The following PCDHGA7 variants were observed in gnomAD, a reference collection of about 807,000 sequenced individuals.
PCDHGA7 encodes the protein protocadherin gamma subfamily A, 7.
PCDHGA7 carries 44 observed loss-of-function variants against 58.3 expected under a neutral mutation model. The observed-to-expected ratio is 0.75, with a 90% CI of 0.59 to 0.97. The LOEUF (loss-of-function observed/expected upper bound fraction) is 0.97. Among genes scored for constraint, PCDHGA7 ranks in the 50% least tolerant of loss-of-function variants. PCDHGA7 has a pLI of 0.00. For missense variants in PCDHGA7, 1,266 were observed against 1,188.7 expected, an observed-to-expected ratio of 1.06 and a Z score of -0.96; for synonymous variants, 516 against 504.2, an observed-to-expected ratio of 1.02 and a Z score of -0.31.
At chr5:141,390,163 C>T (rs376391116) in intron 1 of PCDHGA7, 27 of 1,613,874 alleles carry the variant, frequency 1.7e-5, no homozygotes, top group African/African-American at 2.7e-5. Flanking sequence ...ACAGGAAAGA[C>T]GGAGTTTAAT....
intron 1 of PCDHGA7, among the ~76,000 whole-genome samples, chr5:141,484,009 T>A (rs1157069536): frequency 7.1e-5 from 1 of 14,094 alleles, no homozygotes; most frequent in African/African-American, 2.8e-4. Flanking sequence ...TGGATGAGGG[T>A]GGGGGTGGGG....
At chr5:141,440,822 A>T (rs1561900737) in intron 1 of PCDHGA7, 2 of 152,058 alleles carry the variant, frequency 1.3e-5, no homozygotes, top group Non-Finnish European at 2.9e-5. Context: ...TCAACTCCTG[A>T]TCCTATTGGT....
rs755293492 is a variant in PCDHGA7 at position 141,394,003 on chromosome 5, C to A, written c.2424+8680C>A. On this transcript the variant is annotated intron_variant, in intron 1 of 3. Transcript: ENST00000518325. ...AATTTACCTTTTAAATTAGAAAAGT[C>A]AATAGGTAATTATTATAGATTAGTG... The A allele has an allele frequency of 1.9e-6, 3 of 1,613,310 alleles. No homozygotes were observed. The South Asian group carries it at 3.3e-5, about 18-fold the overall frequency.
Position 141,384,288 on chromosome 5 carries a change from G to T in PCDHGA7, c.1389G>T (p.Glu463Asp), listed in dbSNP as rs1367965791. Residue 463 changes from glutamate (E) to aspartate (D), a missense_variant, in exon 1 of 4, where the codon GAG (glutamate) becomes GAT (aspartate). By Grantham distance (45) the Glu-to-Asp change is conservative (BLOSUM62 2). Coordinates refer to ENST00000518325, the MANE Select transcript of PCDHGA7 (RefSeq NM_018920.4). ...PHSSYSVYIA[E>D]NNPRGASIFL... ...CATCCTACTCAGTCTACATCGCTGA[G>T]AACAACCCCAGAGGGGCCTCCATTT... is the stretch of plus-strand genomic sequence containing the variant. 1.9e-6 allele frequency: 3 copies of T among 1,613,666 alleles called. No homozygotes were observed. Among genetic ancestry groups the T allele is most frequent in the Non-Finnish European group, 2.5e-6 (3 of 1,179,884 alleles).
At chr5:141,443,853 A>G (rs929370798) in intron 1 of PCDHGA7, among the ~76,000 whole-genome samples, 3 of 152,230 alleles carry the variant, frequency 2.0e-5, no homozygotes, top group African/African-American at 7.2e-5. Flanking sequence ...GGAAAGTCTG[A>G]AAACTGAAAA....
rs779981011 is a variant in PCDHGA7 at position 141,395,287 on chromosome 5, G to T, written c.2424+9964G>T. 11 of 1,533,118 alleles carry T rather than the reference G, an allele frequency of 7.2e-6. No homozygotes were observed. The South Asian group carries it at 1.3e-4, about 18-fold the overall frequency. 95.0% of individuals were successfully genotyped at this position (1,533,118 alleles called of 1,614,324 possible). A position where few individuals can be genotyped will look rare whatever the true frequency, so the allele number is the denominator to read the frequency against. On this transcript the variant is annotated intron_variant, in intron 1 of 3. Transcript: ENST00000518325. ...TTAATTTCCAGATGAATTTTATTTG[G>T]CATAAATTATGTTTTGAAAAACATT...
intron 1 of PCDHGA7, chr5:141,441,104 T>C (rs1158565054): frequency 6.6e-6 from 1 of 152,204 alleles, no homozygotes; most frequent in Non-Finnish European, 1.5e-5. Flanking sequence ...GAGGGACTCA[T>C]TGTCCAGTGT....
chr5:141,399,012 A>G (rs767195686), intron 1 of PCDHGA7: 7 of 1,613,946 alleles, frequency 4.3e-6, no homozygotes, highest in Admixed American at 3.3e-5. Context: ...CAAAGAGCGG[A>G]GAAATTACCA....
Position 141,487,687 on chromosome 5 carries a change from A to G in PCDHGA7, c.2425-7120A>G, listed in dbSNP as rs750431854. ...CAGGCATATGGCTAGGCCATGTCCTAGAGAGTACTGGCCTCTCAGTAAGTG... is the reference window on the plus strand; with the variant it reads ...CAGGCATATGGCTAGGCCATGTCCTGGAGAGTACTGGCCTCTCAGTAAGTG... On this transcript the variant is annotated intron_variant, in intron 1 of 3. Transcript: ENST00000518325. This position sits in a 1 kb window ranked among gnomAD's most constrained non-coding sequence, Gnocchi z 5.0. The G allele has an allele frequency of 1.9e-6, 3 of 1,606,256 alleles. No individual in the cohort carries two copies. The highest frequency in any genetic ancestry group is 3.4e-5 in the Admixed American group (2 of 58,832).
intron 1 of PCDHGA7, among the ~76,000 whole-genome samples, chr5:141,482,791 G>T (rs1039924143): frequency 2.6e-5 from 4 of 152,168 alleles, no homozygotes; most frequent in African/African-American, 9.7e-5. Flanking sequence ...TGTGTGTGTG[G>T]CCGGGTACGG....
intron 1 of PCDHGA7, chr5:141,421,025 A>G: frequency 5.7e-6 from 3 of 526,286 alleles, no homozygotes; most frequent in East Asian, 3.2e-5. Context: ...GCTGCGCGCC[A>G]TTGAGTCCCT....
rs200411745 is a variant in PCDHGA7, at chr5:141,490,281, C to T, written c.2425-4526C>T. The T allele has an allele frequency of 1.2e-6, 2 of 1,614,070 alleles. No homozygotes were observed. The highest frequency in any genetic ancestry group is 1.3e-5 in the African/African-American group (1 of 74,924). On this transcript the variant is annotated intron_variant, in intron 1 of 3. Transcript: ENST00000518325. This position sits in a 1 kb window ranked among gnomAD's most constrained non-coding sequence, Gnocchi z 5.4. The stretch of plus-strand genomic sequence containing the variant: ...ATGTGGGGGATGTCAATGACAATGC[C>T]CCAGAGGTGCTATTGGCCTCTTTGG...
chr5:141,394,622 G>A (rs1472873845), intron 1 of PCDHGA7: 32 of 1,613,496 alleles, frequency 2.0e-5, no homozygotes, highest in Non-Finnish European at 2.6e-5. Flanking sequence ...AGAACGCCTG[G>A]CTGTCCTACC....
intron 1 of PCDHGA7, among the ~76,000 whole-genome samples, chr5:141,464,397 C>T (rs1352852782): frequency 1.3e-5 from 2 of 150,158 alleles, no homozygotes; most frequent in Non-Finnish European, 3.0e-5. Context: ...TAATGAAGAA[C>T]CTGAGATATA....
chr5:141,502,126 A>C (rs2154593060), intron 2 of PCDHGA7, among the ~76,000 whole-genome samples: 1 of 152,252 alleles, frequency 6.6e-6, no homozygotes, highest in South Asian at 2.1e-4. Flanking sequence ...AGGCCCACAG[A>C]GCTCAGTCGG....
rs145025535 is a variant in PCDHGA7 at position 141,457,569 on chromosome 5, T to A, written c.2425-37238T>A. 2.5e-3 allele frequency among the ~76,000 whole-genome samples: 376 copies of A among 152,304 alleles called. 1 individual carries two copies. Among genetic ancestry groups the A allele is most frequent in the African/African-American group, 8.6e-3 (357 of 41,554 alleles). On this transcript the variant is annotated intron_variant, in intron 1 of 3. Transcript: ENST00000518325. Reference sequence around the variant, plus strand: ...TGTATGATAAGCTTTGGAGCAAAATTTTTCTCTCCAGTCCTCATTTTTGGT... The same window carrying A: ...TGTATGATAAGCTTTGGAGCAAAATATTTCTCTCCAGTCCTCATTTTTGGT...
At chr5:141,395,277 A>G (rs758440707) in intron 1 of PCDHGA7, 2 of 1,542,838 alleles carry the variant, frequency 1.3e-6, no homozygotes, top group East Asian at 2.3e-5. Flanking sequence ...TTCCAGATGA[A>G]TTTTATTTGG....
chr5:141,491,954 C>CA lies in PCDHGA7; in HGVS notation c.2425-2847dup. 1 of 1,032,920 alleles carries CA rather than the reference C, an allele frequency of 9.7e-7. No homozygotes were observed. Among genetic ancestry groups the CA allele is most frequent in the Non-Finnish European group, 1.3e-6 (1 of 747,262 alleles). 64.0% of individuals were successfully genotyped at this position (1,032,920 alleles called of 1,614,324 possible). A position where few individuals can be genotyped will look rare whatever the true frequency, so the allele number is the denominator to read the frequency against. ...TGGGACCGACCCCCACCCCTACACTCAAAAAAGGCCGGGGCCTCCTTCGAG... is the reference window on the plus strand; with the variant it reads ...TGGGACCGACCCCCACCCCTACACTCAAAAAAAGGCCGGGGCCTCCTTCGAG... On this transcript the variant is annotated intron_variant, in intron 1 of 3. Coordinates refer to ENST00000518325, the MANE Select transcript of PCDHGA7 (RefSeq NM_018920.4). This position sits in a 1 kb window ranked among gnomAD's most constrained non-coding sequence, Gnocchi z 6.9.
chr5:141,461,072 A>C (rs555905734), intron 1 of PCDHGA7, among the ~76,000 whole-genome samples: 1 of 151,688 alleles, frequency 6.6e-6, no homozygotes, highest in African/African-American at 2.4e-5. Context: ...ACATTTTTGC[A>C]ATTGTGAATT....
Sources: allele counts gnomAD v4.1 joint callset (sites outside exome capture counted in the v4.1 genomes callset), GRCh38; gene constraint gnomAD v4.1.1; non-coding constraint Gnocchi (gnomAD v3.1); transcripts MANE v1.5; gene names NCBI Gene and HGNC (gene_info 2026-07-23, HGNC 2026-07-21).